The following PATJ variants were observed in gnomAD, a reference collection of about 807,000 sequenced individuals.
PATJ encodes PATJ crumbs cell polarity complex component, also known as inaD-like protein.
A neutral mutation model predicts 224.9 loss-of-function variants in PATJ; 190 were observed. The ratio of observed to expected loss-of-function variants is 0.84; its 90% CI spans 0.75 to 0.95. The LOEUF is 0.95. PATJ is among the 40% of genes least tolerant of loss of function. The pLI, the probability that PATJ is intolerant of heterozygous loss-of-function variation, is 0.00. For missense variants in PATJ, 2,121 were observed against 2,270.3 expected (o/e 0.93, Z 1.34); for synonymous variants, 769 against 820.3 (o/e 0.94, Z 1.07).
intron 11 of PATJ, among the ~76,000 whole-genome samples, chr1:61,798,274 C>T (rs1176281030): frequency 6.6e-6 from 1 of 151,970 alleles, no homozygotes; most frequent in African/African-American, 2.4e-5. Context: ...GGCTCACTGC[C>T]GCCTTACTTC....
At chr1:62,016,313 C>CA (rs1282422129) in intron 28 of PATJ, among the ~76,000 whole-genome samples, 4 of 152,026 alleles carry the variant, frequency 2.6e-5, no homozygotes, top group African/African-American at 7.2e-5. Flanking sequence ...ACTATTTTGA[C>CA]AAAAAAATAA....
chr1:62,017,945 C>G lies in PATJ; in HGVS notation c.3957C>G (p.Ile1319Met). Residue 1319 changes from isoleucine (I) to methionine (M), a missense_variant and splice_region_variant, in exon 29 of 44, where the codon ATC becomes ATG. Ile to Met is a conservative substitution (Grantham distance 10, BLOSUM62 1). Transcript: ENST00000642238. The stretch of plus-strand genomic sequence containing the variant: ...CATCAAAGGTCAAGCTGGTTTTCAT[C>G]AGGTAAGATTGCTAGATCTGGTTTT... ...TAPSKVKLVF[I>M]RNEDAVNQMA... is the part of the protein sequence containing the mutation. 6.3e-7 allele frequency: 1 copy of G among 1,593,454 alleles called. No homozygotes were observed. The highest frequency in any genetic ancestry group is 8.6e-7 in the Non-Finnish European group (1 of 1,161,128).
In PATJ at chr1:62,106,045, T is replaced by TAAA. The variant is rs1218285369; in HGVS notation, c.4378-2375_4378-2373dup. 1.3e-3 allele frequency among the ~76,000 whole-genome samples: 40 copies of TAAA among 30,200 alleles called. 2 individuals are homozygous for TAAA. The highest frequency in any genetic ancestry group is 0.012 in the East Asian group (19 of 1,534). 19.8% of individuals were successfully genotyped at this position (30,200 alleles called of 152,430 possible). A position where few individuals can be genotyped will look rare whatever the true frequency, so the allele number is the denominator to read the frequency against. On this transcript the variant is annotated intron_variant, in intron 33 of 43. Coordinates refer to ENST00000642238, the MANE Select transcript of PATJ (RefSeq NM_001350145.3). ...CTGGGCAACATAGTGAGACTCCTCT[T>TAAA]AAAAAAAAAAAAAAAAAAATATATA...
intron 27 of PATJ, among the ~76,000 whole-genome samples, chr1:61,978,162 A>AT (rs1265099146): frequency 6.6e-6 from 1 of 151,412 alleles, no homozygotes; most frequent in African/African-American, 2.4e-5. Context: ...AGGAAGAGAC[A>AT]TTTTCTCTAC....
intron 16 of PATJ, among the ~76,000 whole-genome samples, chr1:61,830,449 T>A (rs1005901329): frequency 2.2e-5 from 3 of 134,438 alleles, no homozygotes; most frequent in Non-Finnish European, 4.9e-5. Context: ...AATTTATAGA[T>A]TCAGTGCTAT....
chr1:61,905,805 G>T (rs1223616245), intron 24 of PATJ, among the ~76,000 whole-genome samples: 1 of 152,020 alleles, frequency 6.6e-6, no homozygotes, highest in South Asian at 2.1e-4. Flanking sequence ...CAGATGTGTG[G>T]GGGTTTACCC....
intron 29 of PATJ, among the ~76,000 whole-genome samples, 190 bp from the exon 30 acceptor site, chr1:62,037,785 CAT>C (rs1350295752): frequency 1.3e-5 from 2 of 152,072 alleles, no homozygotes; most frequent in Non-Finnish European, 2.9e-5. Context: ...TTGAGCTACA[CAT>C]ATTTTTTATG....
rs560763960 is a variant in PATJ at position 62,163,684 on chromosome 1, A to C, written c.*2630A>C. On this transcript the variant is annotated 3_prime_UTR_variant, in exon 44 of 44. Transcript: ENST00000642238. ...AATACGTAATTGCCTTTCCAAAAAG[A>C]TATTTTTGCCTCAGAACTTACTGAC... 3 of 152,502 alleles carry C rather than the reference A, an allele frequency of 2.0e-5. No homozygotes were observed. In the South Asian group the frequency reaches 6.2e-4, roughly 32 times the overall value. 9.4% of individuals were successfully genotyped at this position (152,502 alleles called of 1,614,324 possible).
chr1:62,088,053 G>A (rs1193355908), intron 33 of PATJ, among the ~76,000 whole-genome samples: 1 of 151,782 alleles, frequency 6.6e-6, no homozygotes, highest in Admixed American at 6.6e-5. Context: ...CACCATGACT[G>A]GCTAATTTTG....
At chr1:61,949,623 T>C (rs1679316164) in intron 27 of PATJ, among the ~76,000 whole-genome samples, 1 of 152,196 alleles carries the variant, frequency 6.6e-6, no homozygotes, top group Non-Finnish European at 1.5e-5. Flanking sequence ...AAGAAGTGAA[T>C]AGGCCAGGTG....
chr1:61,927,903 C>A (rs117650593), intron 27 of PATJ, 74 bp downstream of exon 27: 2 of 1,045,006 alleles, frequency 1.9e-6, no homozygotes, highest in South Asian at 1.5e-5. Context: ...TGTAAATTAT[C>A]AAATATATGG....
At chr1:62,065,798 A>G (rs1367791279) in intron 31 of PATJ, among the ~76,000 whole-genome samples, 7 of 152,178 alleles carry the variant, frequency 4.6e-5, no homozygotes, top group African/African-American at 1.7e-4. Flanking sequence ...CAGGGCTTAG[A>G]GAAGTAAAAT....
At chr1:61,990,415 G>C in intron 28 of PATJ, 51 bp downstream of exon 28, 1 of 1,323,950 alleles carries the variant, frequency 7.6e-7, no homozygotes, top group Non-Finnish European at 1.0e-6. Flanking sequence ...GATGGGTGCA[G>C]TGGATGTTGT....
intron 42 of PATJ, among the ~76,000 whole-genome samples, chr1:62,149,738 G>A (rs1668434139): frequency 6.6e-6 from 1 of 151,796 alleles, no homozygotes; most frequent in African/African-American, 2.4e-5. Context: ...GCCTCTGGCA[G>A]GCTGGGAACC....
intron 29 of PATJ, among the ~76,000 whole-genome samples, chr1:62,029,161 T>C (rs985533553): frequency 3.3e-5 from 5 of 152,226 alleles, no homozygotes; most frequent in Non-Finnish European, 7.3e-5. Flanking sequence ...CAAGATTGTT[T>C]TGGCTATTTG....
intron 9 of PATJ, among the ~76,000 whole-genome samples, chr1:61,791,676 T>C (rs1156891686): frequency 2.0e-5 from 3 of 152,136 alleles, no homozygotes; most frequent in South Asian, 4.1e-4. Flanking sequence ...GCCAGCTTAG[T>C]GTATAATATT....
At chr1:61,812,354 TAGAGAGAGAGAGAGAGAGAGAGAGAG>T (rs71050165) in intron 14 of PATJ, among the ~76,000 whole-genome samples, 2 of 111,646 alleles carry the variant, frequency 1.8e-5, no homozygotes, top group East Asian at 3.3e-4. Flanking sequence ...GGGGAGGGAA[TAGAGAGAGAGAGAGAGAGAGAGAGAG>T]AGAGAGAGAG....
At chr1:61,814,049 T>C (rs895697591) in intron 14 of PATJ, among the ~76,000 whole-genome samples, 3 of 151,888 alleles carry the variant, frequency 2.0e-5, no homozygotes, top group Non-Finnish European at 4.4e-5. Context: ...GAAATTTGGT[T>C]GTGGCAAAAA....
chr1:62,099,158 G>A (rs923436268), intron 33 of PATJ, among the ~76,000 whole-genome samples: 1 of 151,966 alleles, frequency 6.6e-6, no homozygotes, highest in African/African-American at 2.4e-5. Flanking sequence ...CGGCTTTCCT[G>A]CTGAGAAAGT....
Sources: gnomAD v4.1 joint callset for allele counts (sites outside exome capture counted in the v4.1 genomes callset) on GRCh38, gnomAD v4.1.1 for gene constraint, MANE v1.5 for transcripts, NCBI Gene and HGNC (gene_info 2026-07-23, HGNC 2026-07-21) for gene names.